The following KIAA0232 variants were observed in gnomAD, a reference collection of about 807,000 sequenced individuals.
KIAA0232 encodes KIAA0232, also known as uncharacterized protein KIAA0232.
Under a neutral mutation model 122.0 loss-of-function variants are expected in KIAA0232, and 27 were observed. The ratio of observed to expected loss-of-function variants is 0.22; its 90% CI spans 0.16 to 0.31. The LOEUF (loss-of-function observed/expected upper bound fraction) is 0.31, where lower values mean the gene tolerates loss of function less well. Ranked by LOEUF, KIAA0232 falls within the 10% of genes least tolerant of loss-of-function variation. The pLI, the probability that KIAA0232 is intolerant of heterozygous loss-of-function variation, is 1.00. For synonymous variants in KIAA0232, 613 were observed against 587.6 expected, an observed-to-expected ratio of 1.04 and a Z score of -0.63; for missense variants, 1,551 against 1,634.2, an observed-to-expected ratio of 0.95 and a Z score of 0.88.
intron 3 of KIAA0232, among the ~76,000 whole-genome samples, chr4:6,837,336 T>C (rs1719362855): frequency 7.2e-6 from 1 of 139,278 alleles, no homozygotes; most frequent in South Asian, 2.3e-4. Flanking sequence ...GCAGAGGTGC[T>C]CCCCACATCC....
intron 4 of KIAA0232, among the ~76,000 whole-genome samples, chr4:6,848,470 C>T (rs760191130): frequency 2.0e-5 from 3 of 152,086 alleles, no homozygotes; most frequent in Non-Finnish European, 4.4e-5. Context: ...CTGGCATTCC[C>T]TAAAAAATAC....
chr4:6,783,306 C>G (rs1018913771), intron 1 of KIAA0232, among the ~76,000 whole-genome samples: 3 of 152,226 alleles, frequency 2.0e-5, no homozygotes, highest in African/African-American at 7.2e-5. Flanking sequence ...GCTTGCGGCT[C>G]TTGCGCCCGG....
intron 3 of KIAA0232, among the ~76,000 whole-genome samples, chr4:6,831,293 A>C (rs899583906): frequency 3.9e-5 from 6 of 152,046 alleles, no homozygotes; most frequent in African/African-American, 1.4e-4. Flanking sequence ...TGACCTCGTG[A>C]TCCGCCCGCC....
chr4:6,791,567 G>A lies in KIAA0232; in HGVS notation c.-354+8726G>A, dbSNP rs529711277. Among the ~76,000 whole-genome samples, 116 of 152,058 alleles carry A rather than the reference G, an allele frequency of 7.6e-4. 1 individual carries two copies. Among genetic ancestry groups the A allele is most frequent in the African/African-American group, 2.5e-3 (103 of 41,482 alleles). On this transcript the variant is annotated intron_variant, in intron 1 of 9. Coordinates refer to ENST00000307659, the MANE Select transcript of KIAA0232 (RefSeq NM_014743.3). ...TGTTCTGGAACTCCTGAACTCAAGCGATGCTCCTGCCTCTGCCTCCCAAAA... is the reference window on the plus strand; with the variant it reads ...TGTTCTGGAACTCCTGAACTCAAGCAATGCTCCTGCCTCTGCCTCCCAAAA...
chr4:6,821,102 G>A (rs1035298422), intron 2 of KIAA0232, among the ~76,000 whole-genome samples: 2 of 152,162 alleles, frequency 1.3e-5, no homozygotes, highest in Admixed American at 6.5e-5. Flanking sequence ...TTCAACATGA[G>A]GCTTGGAGGT....
intron 1 of KIAA0232, among the ~76,000 whole-genome samples, chr4:6,801,143 T>G (rs1455307027): frequency 2.6e-5 from 4 of 152,208 alleles, no homozygotes; most frequent in Non-Finnish European, 5.9e-5. Context: ...GAACTTTGTT[T>G]GATAATGGAA....
chr4:6,853,988 C>T (rs552557947), intron 4 of KIAA0232, among the ~76,000 whole-genome samples: 1 of 152,230 alleles, frequency 6.6e-6, no homozygotes, highest in Non-Finnish European at 1.5e-5. Flanking sequence ...AAGAACCTAG[C>T]GTTGGTCAGA....
intron 1 of KIAA0232, among the ~76,000 whole-genome samples, chr4:6,796,453 G>T (rs1717138963): frequency 6.6e-6 from 1 of 152,154 alleles, no homozygotes; most frequent in Non-Finnish European, 1.5e-5. Context: ...TGTTGACCAG[G>T]CTGGCCTCAA....
chr4:6,805,028 T>G (rs773115120), intron 2 of KIAA0232, among the ~76,000 whole-genome samples: 1 of 152,232 alleles, frequency 6.6e-6, no homozygotes, highest in Non-Finnish European at 1.5e-5. Context: ...TGCTCTTGTT[T>G]CAGCTTTGAT....
intron 8 of KIAA0232, among the ~76,000 whole-genome samples, chr4:6,876,420 T>G (rs944517252): frequency 2.0e-5 from 3 of 152,172 alleles, no homozygotes; most frequent in Non-Finnish European, 4.4e-5. Context: ...ATGGTTATGC[T>G]GGCCTATTTC....
At chr4:6,787,282 A>G (rs1716670701) in intron 1 of KIAA0232, among the ~76,000 whole-genome samples, 2 of 151,608 alleles carry the variant, frequency 1.3e-5, no homozygotes, top group African/African-American at 4.8e-5. Context: ...GAAATTTATT[A>G]TATGCATCAA....
intron 1 of KIAA0232, among the ~76,000 whole-genome samples, chr4:6,797,110 A>T (rs1417813728): frequency 6.6e-6 from 1 of 152,182 alleles, no homozygotes; most frequent in East Asian, 1.9e-4. Flanking sequence ...GTATTTTATT[A>T]TTTCATTTCC....
At chr4:6,848,462 G>A (rs936545055) in intron 4 of KIAA0232, among the ~76,000 whole-genome samples, 2 of 152,108 alleles carry the variant, frequency 1.3e-5, no homozygotes, top group African/African-American at 4.8e-5. Flanking sequence ...CTTTTTTCCT[G>A]GCATTCCCTA....
In KIAA0232 at chr4:6,863,472, C is replaced by A; in HGVS notation, c.3090C>A (p.Val1030=). The A allele has an allele frequency of 1.2e-6, 2 of 1,614,090 alleles. No homozygotes were observed. The highest frequency in any genetic ancestry group is 1.1e-5 in the South Asian group (1 of 91,044). ...DLLGACGNFQ[V]EDPGLEYSFS... Reference sequence around the variant, plus strand: ...TAGGAGCTTGTGGCAACTTTCAAGTCGAAGATCCTGGACTTGAATACTCAT... The same window carrying A: ...TAGGAGCTTGTGGCAACTTTCAAGTAGAAGATCCTGGACTTGAATACTCAT... Residue 1030 remains valine (V), a synonymous_variant, in exon 7 of 10, where the codon GTC becomes GTA. Transcript: ENST00000307659.
chr4:6,845,602 T>A lies in KIAA0232; in HGVS notation c.369+3398T>A, dbSNP rs565363056. On this transcript the variant is annotated intron_variant, in intron 4 of 9. Coordinates refer to ENST00000307659, the MANE Select transcript of KIAA0232 (RefSeq NM_014743.3). ...TTCAGAATGCAGATTTTTTTTTTTTTAACAAGCGAGAAGTTAATTCAGGTA... is the reference window on the plus strand; with the variant it reads ...TTCAGAATGCAGATTTTTTTTTTTTAAACAAGCGAGAAGTTAATTCAGGTA... Among the ~76,000 whole-genome samples, 521 of 152,146 alleles carry A rather than the reference T, an allele frequency of 3.4e-3. 3 individuals are homozygous for A. Among genetic ancestry groups the A allele is most frequent in the African/African-American group, 0.011 (473 of 41,500 alleles).
chr4:6,793,557 G>A (rs1335293134), intron 1 of KIAA0232, among the ~76,000 whole-genome samples: 2 of 152,154 alleles, frequency 1.3e-5, no homozygotes, highest in East Asian at 1.9e-4. Flanking sequence ...CATCATAGGC[G>A]AGTCAGAAAT....
In KIAA0232 at chr4:6,865,680, C is replaced by T. The variant is rs3822267; in HGVS notation, c.3801+1497C>T. Among the ~76,000 whole-genome samples, 184 of 152,330 alleles carry T rather than the reference C, an allele frequency of 1.2e-3. 3 individuals carry two copies. In the East Asian group the frequency reaches 0.032, roughly 26 times the overall value. Reference sequence around the variant, plus strand: ...AGAGAGCAGATGAGTGTTGCACTTCCTCCCAACTGTCCTGCACACCCTACC... The same window carrying T: ...AGAGAGCAGATGAGTGTTGCACTTCTTCCCAACTGTCCTGCACACCCTACC... On this transcript the variant is annotated intron_variant, in intron 7 of 9. Transcript: ENST00000307659.
intron 3 of KIAA0232, among the ~76,000 whole-genome samples, chr4:6,833,928 C>T (rs1226266893): frequency 1.3e-5 from 2 of 152,136 alleles, no homozygotes; most frequent in Non-Finnish European, 2.9e-5. Flanking sequence ...CTCTCTTTCC[C>T]TTTTGAGATT....
At chr4:6,844,351 C>G (rs985486369) in intron 4 of KIAA0232, among the ~76,000 whole-genome samples, 3 of 151,990 alleles carry the variant, frequency 2.0e-5, no homozygotes, top group Non-Finnish European at 4.4e-5. Context: ...AAAGCCTACC[C>G]TTTCATCCAA....
Sources: allele counts gnomAD v4.1 joint callset (sites outside exome capture counted in the v4.1 genomes callset), GRCh38; gene constraint gnomAD v4.1.1; transcripts MANE v1.5; gene names NCBI Gene and HGNC (gene_info 2026-07-23, HGNC 2026-07-21).